Variants in ARAP2 observed in about 807,000 individuals in gnomAD.
The protein encoded by ARAP2 is ArfGAP with RhoGAP domain, ankyrin repeat and PH domain 2, also known as arf-GAP with Rho-GAP domain, ANK repeat and PH domain-containing protein 2.
ARAP2 carries 148 observed loss-of-function variants against 194.5 expected under a neutral mutation model. The observed-to-expected ratio is 0.76, with a 90% confidence interval of 0.67 to 0.87. The LOEUF is 0.87. Ranked by LOEUF, ARAP2 falls within the 40% of genes least tolerant of loss-of-function variation. ARAP2 has a pLI of 0.00. For synonymous variants in ARAP2, 695 were observed against 683.5 expected (o/e 1.02, Z -0.26); for missense variants, 2,128 against 1,989.7 (o/e 1.07, Z -1.32).
At chr4:36,208,872 TC>T (rs150517768) in intron 6 of ARAP2, among the ~76,000 whole-genome samples, 3,070 of 152,142 alleles carry the variant, frequency 0.02, 93 homozygotes, top group African/African-American at 0.07. Context: ...TGCAATTATT[TC>T]CCCTAAAATG....
chr4:36,188,381 G>A (rs747516881), intron 7 of ARAP2, among the ~76,000 whole-genome samples: 4 of 152,092 alleles, frequency 2.6e-5, no homozygotes, highest in Non-Finnish European at 5.9e-5. Flanking sequence ...TTAAAACTGG[G>A]TAAAAACTAA....
At position 36,244,456 on chromosome 4, in the gene ARAP2, G is replaced by A. The variant is rs1427517120; in HGVS notation, c.-437C>T. The A allele has an allele frequency of 1.3e-5, 2 of 150,474 alleles. No individual in the cohort carries two copies. Among genetic ancestry groups the A allele is most frequent in the Non-Finnish European group, 3.0e-5 (2 of 67,370 alleles). The allele number at this position is 150,474 out of a possible 1,614,324, so 9.3% of individuals were successfully genotyped here. A position where few individuals can be genotyped will look rare whatever the true frequency, so the allele number is the denominator to read the frequency against. Reference sequence around the variant, plus strand: ...CCGCGCTCAGCTCCGGAAACGCCGAGCCCGGCGCCCGCGCCTTGCTCAGGT... The same window carrying A: ...CCGCGCTCAGCTCCGGAAACGCCGAACCCGGCGCCCGCGCCTTGCTCAGGT... On this transcript the variant is annotated 5_prime_UTR_variant, in exon 1 of 33. Coordinates refer to ENST00000303965, the MANE Select transcript of ARAP2 (RefSeq NM_015230.4).
At chr4:36,118,658 C>T (rs1721984736) in intron 24 of ARAP2, among the ~76,000 whole-genome samples, 1 of 151,360 alleles carries the variant, frequency 6.6e-6, no homozygotes. Flanking sequence ...CTCAGCCTCA[C>T]ACAATCCTTT....
At chr4:36,194,798 T>C (rs960476906) in intron 6 of ARAP2, among the ~76,000 whole-genome samples, 3 of 152,234 alleles carry the variant, frequency 2.0e-5, no homozygotes, top group African/African-American at 7.2e-5. Flanking sequence ...GAATTAATTA[T>C]GAAGTAATAA....
At chr4:36,140,632 G>A (rs1160928495) in intron 19 of ARAP2, among the ~76,000 whole-genome samples, 1 of 151,656 alleles carries the variant, frequency 6.6e-6, no homozygotes, top group Non-Finnish European at 1.5e-5. Flanking sequence ...CATATTAGCT[G>A]CTATAAAACA....
intron 6 of ARAP2, among the ~76,000 whole-genome samples, chr4:36,201,703 A>C (rs1744398724): frequency 6.6e-6 from 1 of 152,158 alleles, no homozygotes. Flanking sequence ...ATTTTTTAAC[A>C]ACACTGTATA....
Position 36,230,017 on chromosome 4 carries a change from T to A in ARAP2, c.-159-372A>T, listed in dbSNP as rs546093337. Among the ~76,000 whole-genome samples, 10 of 152,286 alleles carry A rather than the reference T, an allele frequency of 6.6e-5. No homozygotes were observed. The South Asian group carries it at 1.9e-3, about 28-fold the overall frequency. On this transcript the variant is annotated intron_variant, in intron 1 of 32. Coordinates refer to ENST00000303965, the MANE Select transcript of ARAP2 (RefSeq NM_015230.4). ...GATGTATATAGTTCATCAGAAAGGGTTTTTTTAAAGTATTAGAATAGGATA... is the reference window on the plus strand; with the variant it reads ...GATGTATATAGTTCATCAGAAAGGGATTTTTTAAAGTATTAGAATAGGATA...
chr4:36,077,244 G>A (rs1014480257), intron 31 of ARAP2, among the ~76,000 whole-genome samples: 1 of 152,046 alleles, frequency 6.6e-6, no homozygotes, highest in Non-Finnish European at 1.5e-5. Flanking sequence ...GGGTGGGGGT[G>A]ACCAGACTTA....
chr4:36,145,011 A>G (rs1729302607), intron 19 of ARAP2, among the ~76,000 whole-genome samples: 1 of 151,940 alleles, frequency 6.6e-6, no homozygotes, highest in South Asian at 2.1e-4. Flanking sequence ...ATCTTGCACT[A>G]TTATACAGCA....
At chr4:36,194,391 G>A (rs1742615879) in intron 6 of ARAP2, among the ~76,000 whole-genome samples, 1 of 152,068 alleles carries the variant, frequency 6.6e-6, no homozygotes, top group Non-Finnish European at 1.5e-5. Flanking sequence ...TTCCCTGAAG[G>A]CAGACAACCA....
In ARAP2 at chr4:36,147,530, G is replaced by A. The variant is rs1408995616; in HGVS notation, c.3199+18C>T. On this transcript the variant is annotated intron_variant, in intron 18 of 32. Transcript: ENST00000303965. Reference sequence around the variant, plus strand: ...AAAGAAAAGTGTTCCAAAGATAAGGGAAGAAAAAAGCTCTTACTTAGCTCT... The same window carrying A: ...AAAGAAAAGTGTTCCAAAGATAAGGAAAGAAAAAAGCTCTTACTTAGCTCT... 1.3e-6 allele frequency: 2 copies of A among 1,596,948 alleles called. No homozygotes were observed. Among genetic ancestry groups the A allele is most frequent in the Non-Finnish European group, 1.7e-6 (2 of 1,173,882 alleles).
intron 5 of ARAP2, among the ~76,000 whole-genome samples, chr4:36,043,794 A>AGAAGG (rs1229545018): frequency 0.14 from 3,845 of 26,890 alleles, 732 homozygotes; most frequent in Non-Finnish European, 0.18. Flanking sequence ...AGAAGAGAAG[A>AGAAGG]GAAGGGAAGG....
chr4:36,153,772 C>G (rs1204286938), intron 15 of ARAP2, among the ~76,000 whole-genome samples: 1 of 152,184 alleles, frequency 6.6e-6, no homozygotes, highest in East Asian at 1.9e-4. Flanking sequence ...AACTGGAAGC[C>G]AGGGGAAACT....
intron 1 of ARAP2, among the ~76,000 whole-genome samples, chr4:36,232,026 A>T (rs1751571970): frequency 6.6e-6 from 1 of 152,212 alleles, no homozygotes; most frequent in African/African-American, 2.4e-5. Context: ...AGAGCCCTCT[A>T]TGTAAGGACA....
intron 2 of ARAP2, among the ~76,000 whole-genome samples, chr4:36,217,589 T>G (rs1384261152): frequency 6.6e-6 from 1 of 152,044 alleles, no homozygotes; most frequent in South Asian, 2.1e-4. Context: ...GCAAACTTAC[T>G]AATAGGGTTG....
intron 32 of ARAP2, among the ~76,000 whole-genome samples, chr4:36,070,832 T>C (rs1726681595): frequency 6.6e-6 from 1 of 152,224 alleles, no homozygotes; most frequent in South Asian, 2.1e-4. Flanking sequence ...CTTTAAACTC[T>C]GTATTATTCA....
chr4:36,026,487 T>G (rs1192818551), intron 5 of ARAP2, among the ~76,000 whole-genome samples: 1 of 152,168 alleles, frequency 6.6e-6, no homozygotes, highest in Non-Finnish European at 1.5e-5. Context: ...GTTGATTGGA[T>G]GTCATTACAT....
At chr4:36,034,440 A>G (rs1719561603) in intron 5 of ARAP2, among the ~76,000 whole-genome samples, 1 of 152,048 alleles carries the variant, frequency 6.6e-6, no homozygotes, top group Non-Finnish European at 1.5e-5. Context: ...TTTGGCTCTC[A>G]GCTTGGCTGT....
At chr4:36,028,895 G>A (rs1240304022) in intron 5 of ARAP2, among the ~76,000 whole-genome samples, 1 of 151,700 alleles carries the variant, frequency 6.6e-6, no homozygotes. Flanking sequence ...CAGATGAAAG[G>A]GCCATTTTTT....
Sources: gnomAD v4.1 joint callset for allele counts (sites outside exome capture counted in the v4.1 genomes callset) on GRCh38, gnomAD v4.1.1 for gene constraint, MANE v1.5 for transcripts, NCBI Gene and HGNC (gene_info 2026-07-23, HGNC 2026-07-21) for gene names.